Variants in RARS2 observed in about 807,000 individuals in gnomAD.
RARS2 encodes the protein probable arginine--tRNA ligase, mitochondrial.
A neutral mutation model predicts 88.5 loss-of-function variants in RARS2; 67 were observed. The ratio of observed to expected loss-of-function variants is 0.76; its 90% CI spans 0.62 to 0.93. The LOEUF is 0.93. Ranked by LOEUF, RARS2 falls within the 40% of genes least tolerant of loss-of-function variation. The probability of loss-of-function intolerance (pLI) is 0.00; values close to 1 mark genes in which losing one functional copy is unlikely to be tolerated. For synonymous variants in RARS2, 239 were observed against 230.3 expected, an observed-to-expected ratio of 1.04 and a Z score of -0.34; for missense variants, 664 against 684.2, an observed-to-expected ratio of 0.97 and a Z score of 0.33.
intron 6 of RARS2, among the ~76,000 whole-genome samples, chr6:87,547,189 GA>G (rs1288666412): frequency 6.6e-6 from 1 of 152,112 alleles, no homozygotes; most frequent in Admixed American, 6.5e-5. Context: ...CCTCAACTGT[GA>G]AAACAACTTT....
intron 4 of RARS2, among the ~76,000 whole-genome samples, chr6:87,561,045 C>T (rs1787702270): frequency 6.6e-6 from 1 of 152,112 alleles, no homozygotes. Flanking sequence ...TATATATTTA[C>T]TTTTAATCAT....
At chr6:87,525,342 A>AT (rs1775317355) in intron 10 of RARS2, among the ~76,000 whole-genome samples, 2 of 152,228 alleles carry the variant, frequency 1.3e-5, no homozygotes, top group South Asian at 4.1e-4. Context: ...AAACAAAATT[A>AT]AAGGCATCCA....
At chr6:87,580,374 A>G (rs1402994818) in intron 1 of RARS2, among the ~76,000 whole-genome samples, 2 of 152,136 alleles carry the variant, frequency 1.3e-5, no homozygotes, top group African/African-American at 4.8e-5. Flanking sequence ...ACTGACAGTA[A>G]ACCTGAAAAT....
Position 87,555,521 on chromosome 6 carries a change from C to G in RARS2, c.298-16G>C. The G allele has an allele frequency of 6.3e-7, 1 of 1,579,266 alleles. No homozygotes were observed. Among genetic ancestry groups the G allele is most frequent in the South Asian group, 1.1e-5 (1 of 90,262 alleles). On this transcript the variant is annotated splice_polypyrimidine_tract_variant and intron_variant, in intron 4 of 19. Coordinates refer to ENST00000369536, the MANE Select transcript of RARS2 (RefSeq NM_020320.5). Reference sequence around the variant, plus strand: ...GTAGCACTGTCTGAAAATTAAAGGACTGTAATTTAATGAACAAAAATTACA... The same window carrying G: ...GTAGCACTGTCTGAAAATTAAAGGAGTGTAATTTAATGAACAAAAATTACA...
At chr6:87,524,176 C>T (rs1040887542) in intron 11 of RARS2, among the ~76,000 whole-genome samples, 1 of 152,176 alleles carries the variant, frequency 6.6e-6, no homozygotes, top group Non-Finnish European at 1.5e-5. Context: ...GATAAACCCA[C>T]TTCTTACTGA....
At chr6:87,574,859 A>C (rs1562250397) in intron 1 of RARS2, among the ~76,000 whole-genome samples, 1 of 152,180 alleles carries the variant, frequency 6.6e-6, no homozygotes, top group Non-Finnish European at 1.5e-5. Flanking sequence ...ATAACAGTAT[A>C]GTCATAATTG....
intron 5 of RARS2, among the ~76,000 whole-genome samples, chr6:87,549,033 T>C (rs1562165216): frequency 6.6e-6 from 1 of 151,940 alleles, no homozygotes; most frequent in Admixed American, 6.6e-5. Flanking sequence ...GGGCAACATA[T>C]CAAGACTGTC....
At chr6:87,525,956 C>A (rs1460369580) in intron 10 of RARS2, among the ~76,000 whole-genome samples, 1 of 151,784 alleles carries the variant, frequency 6.6e-6, no homozygotes, top group Non-Finnish European at 1.5e-5. Context: ...TAAATTTAAC[C>A]AAGGAGGTAA....
At chr6:87,578,113 C>T (rs147573276) in intron 1 of RARS2, among the ~76,000 whole-genome samples, 48 of 148,800 alleles carry the variant, frequency 3.2e-4, no homozygotes, top group South Asian at 6.4e-4. Context: ...CGAGACCCCC[C>T]CCCCCGCCAT....
intron 18 of RARS2, among the ~76,000 whole-genome samples, chr6:87,515,665 C>CTAAT (rs1377989102): frequency 2.8e-4 from 7 of 24,906 alleles, no homozygotes; most frequent in African/African-American, 1.9e-3. Flanking sequence ...TGGGTAGAAA[C>CTAAT]TATCCACTCT....
chr6:87,569,096 A>G (rs560260278), intron 2 of RARS2, among the ~76,000 whole-genome samples: 19 of 152,332 alleles, frequency 1.2e-4, no homozygotes, highest in Admixed American at 2.0e-4. Context: ...CAAAAACAAC[A>G]TTAAAAACCT....
rs775295739 is a variant in RARS2, at chr6:87,518,718, A to C, written c.1327T>G (p.Ser443Ala). 6.2e-7 allele frequency: 1 copy of C among 1,614,006 alleles called. No individual in the cohort carries two copies. Among genetic ancestry groups the C allele is most frequent in the Non-Finnish European group, 8.5e-7 (1 of 1,179,978 alleles). ...IIQDFKGLLL[S>A]DYKFSWDRVF... ...CGATCCCAGCTGAACTTGTAGTCAG[A>C]TAAGAGTAAACCTTTGAAGTCCTAA... Residue 443 changes from serine (S) to alanine (A), a missense_variant, in exon 16 of 20, where the codon TCT becomes GCT. Ser to Ala is a moderately conservative substitution (Grantham distance 99). Transcript: ENST00000369536.
Position 87,564,147 on chromosome 6 carries a change from T to C in RARS2, c.196A>G (p.Lys66Glu), listed in dbSNP as rs863224177. The change falls in exon 3 of 20, where the codon AAG becomes GAG. Residue 66 changes from lysine (K) to glutamate (E), a missense_variant. Transcript: ENST00000369536. ...HSRPDIQVQAKRLAEKLRCDT... is the reference protein window; with the variant it reads ...HSRPDIQVQAERLAEKLRCDT... ...TAACGTACCTTCTCTGCTAGTCTCT[T>C]GGCTTGAACTTGAATATCTGGTCTT... 1 of 1,609,936 alleles carries C rather than the reference T, an allele frequency of 6.2e-7. No individual in the cohort carries two copies. The highest frequency in any genetic ancestry group is 2.2e-5 in the East Asian group (1 of 44,840).
At chr6:87,581,736 C>G (rs911579550) in intron 1 of RARS2, among the ~76,000 whole-genome samples, 1 of 152,136 alleles carries the variant, frequency 6.6e-6, no homozygotes, top group Admixed American at 6.5e-5. Flanking sequence ...GCTATTTTTC[C>G]TAAAGCTCTC....
intron 4 of RARS2, among the ~76,000 whole-genome samples, chr6:87,557,178 A>T (rs993832510): frequency 6.6e-6 from 1 of 152,180 alleles, no homozygotes; most frequent in African/African-American, 2.4e-5. Flanking sequence ...AACATTTCCC[A>T]TTTAATGGAT....
At chr6:87,570,563 C>T (rs529754209) in intron 1 of RARS2, among the ~76,000 whole-genome samples, 36 of 152,120 alleles carry the variant, frequency 2.4e-4, no homozygotes, top group Middle Eastern at 3.4e-3. Context: ...GGATTACAGA[C>T]GCACACCACC....
chr6:87,538,921 C>T (rs1780034498), intron 8 of RARS2, among the ~76,000 whole-genome samples: 1 of 151,642 alleles, frequency 6.6e-6, no homozygotes, highest in African/African-American at 2.4e-5. Context: ...GTAGTCCTAG[C>T]TACTTGGGTT....
intron 11 of RARS2, 131 bp downstream of exon 11, chr6:87,524,426 T>C: frequency 1.3e-6 from 1 of 781,346 alleles, no homozygotes; most frequent in Non-Finnish European, 2.2e-6. Context: ...TATGAAGTAC[T>C]TCAGTTTTAC....
chr6:87,532,501 T>C (rs1250630611), intron 8 of RARS2, among the ~76,000 whole-genome samples: 1 of 152,236 alleles, frequency 6.6e-6, no homozygotes, highest in African/African-American at 2.4e-5. Flanking sequence ...ACACAGGGTA[T>C]CTAATGAACT....
Sources: allele counts gnomAD v4.1 joint callset (sites outside exome capture counted in the v4.1 genomes callset), GRCh38; gene constraint gnomAD v4.1.1; transcripts MANE v1.5; gene names NCBI Gene and HGNC (gene_info 2026-07-23, HGNC 2026-07-21).